The following CCDC125 variants were observed in gnomAD, a reference collection of about 807,000 sequenced individuals.
The protein encoded by CCDC125 is coiled-coil domain-containing protein 125.
CCDC125 carries 43 observed loss-of-function variants against 57.4 expected under a neutral mutation model. That is an observed-to-expected ratio of 0.75 (90% confidence interval 0.59 to 0.97). CCDC125 has a LOEUF of 0.97. Among genes scored for constraint, CCDC125 ranks in the 50% least tolerant of loss-of-function variants. The pLI, the probability that CCDC125 is intolerant of heterozygous loss-of-function variation, is 0.00. For missense variants in CCDC125, 563 were observed against 595.7 expected (o/e 0.95, Z 0.57); for synonymous variants, 187 against 195.2 (o/e 0.96, Z 0.35).
intron 7 of CCDC125, 42 bp from the exon 8 acceptor site, chr5:69,300,169 ACT>A: frequency 7.2e-7 from 1 of 1,382,780 alleles, no homozygotes; most frequent in Non-Finnish European, 1.0e-6. Flanking sequence ...ATGAAGCCTA[ACT>A]CCACCCTCAT....
At chr5:69,285,261 T>C in intron 11 of CCDC125, 76 bp downstream of exon 11, 3 of 1,491,984 alleles carry the variant, frequency 2.0e-6, no homozygotes, top group Non-Finnish European at 2.7e-6. Context: ...TGTTCTGGGC[T>C]GCATGCTCCC....
intron 8 of CCDC125, among the ~76,000 whole-genome samples, chr5:69,295,785 G>GATGTTGAAATTCTGTTA (rs1212513442): frequency 6.6e-6 from 1 of 151,982 alleles, no homozygotes; most frequent in Non-Finnish European, 1.5e-5. Context: ...ACCATCAAAA[G>GATGTTGAAATTCTGTTA]ATGTTGAAAT....
intron 1 of CCDC125, among the ~76,000 whole-genome samples, chr5:69,322,426 G>A (rs1172854623): frequency 6.6e-6 from 1 of 152,070 alleles, no homozygotes; most frequent in Non-Finnish European, 1.5e-5. Context: ...GTATTTCCTT[G>A]GATCCTCAAA....
chr5:69,273,191 C>T, the CCDC125 span: 5 of 568,714 alleles, frequency 8.8e-6, no homozygotes, highest in Non-Finnish European at 1.2e-5. Context: ...GTATCTTTTC[C>T]CCAAACTACA....
intron 3 of CCDC125, 21 bp downstream of exon 3, chr5:69,313,964 T>C: frequency 6.4e-7 from 1 of 1,563,964 alleles, no homozygotes; most frequent in East Asian, 2.2e-5. Flanking sequence ...TGATAATTTT[T>C]ATATTAGCCA....
chr5:69,306,393 A>G (rs539753010), intron 6 of CCDC125, among the ~76,000 whole-genome samples: 3 of 152,290 alleles, frequency 2.0e-5, no homozygotes, highest in African/African-American at 7.2e-5. Context: ...CAGTGGCGCA[A>G]TCATGGCTCA....
At chr5:69,317,084 C>T (rs1332001851) in intron 2 of CCDC125, among the ~76,000 whole-genome samples, 1 of 152,150 alleles carries the variant, frequency 6.6e-6, no homozygotes, top group African/African-American at 2.4e-5. Context: ...TCTTGGCTCA[C>T]TGCAACCTCC....
At chr5:69,332,110 C>T (rs1330398669) in intron 1 of CCDC125, among the ~76,000 whole-genome samples, 2 of 152,242 alleles carry the variant, frequency 1.3e-5, no homozygotes, top group African/African-American at 2.4e-5. Flanking sequence ...ACATGCCTAA[C>T]TCCATGACAA....
At chr5:69,316,063 G>C (rs983051420) in intron 2 of CCDC125, among the ~76,000 whole-genome samples, 2 of 151,982 alleles carry the variant, frequency 1.3e-5, no homozygotes, top group Non-Finnish European at 2.9e-5. Context: ...TTGCTATTCT[G>C]AAATTTCATT....
downstream of CCDC125, chr5:69,276,632 G>C: frequency 6.2e-7 from 1 of 1,614,086 alleles, no homozygotes; most frequent in South Asian, 1.1e-5. Flanking sequence ...AAACCTTAAA[G>C]GAGCAATCAA....
intron 8 of CCDC125, among the ~76,000 whole-genome samples, chr5:69,295,952 C>T (rs1379893388): frequency 6.7e-6 from 1 of 149,872 alleles, no homozygotes; most frequent in Non-Finnish European, 1.5e-5. Flanking sequence ...GGCGCGATCT[C>T]GGCTCACTGC....
At chr5:69,303,361 C>CTTTTTTT (rs1003180857) in intron 7 of CCDC125, among the ~76,000 whole-genome samples, 1 of 100,516 alleles carries the variant, frequency 9.9e-6, no homozygotes, top group African/African-American at 4.1e-5. Flanking sequence ...GAATTGTTCA[C>CTTTTTTT]TTTTTTTTTT....
intron 8 of CCDC125, 126 bp from the exon 9 acceptor site, chr5:69,295,026 GA>G (rs759747491): frequency 1.1e-4 from 71 of 634,024 alleles, no homozygotes; most frequent in Non-Finnish European, 1.7e-4. Flanking sequence ...AAAAAAACTG[GA>G]AAGGAAAAAC....
rs188043001 is a variant in CCDC125 at position 69,321,995 on chromosome 5, C to G, written c.-40-1415G>C. ...GGGATTACAACCATGCGCCACCATG[C>G]CCGGCTAATTTTCTATTTTTTTTTT... On this transcript the variant is annotated intron_variant, in intron 1 of 11. Transcript: ENST00000396496. Among the ~76,000 whole-genome samples, 4 of 151,904 alleles carry G rather than the reference C, an allele frequency of 2.6e-5. No individual in the cohort carries two copies. In the East Asian group the frequency reaches 7.7e-4, roughly 29 times the overall value.
chr5:69,302,872 T>C (rs1756720569), intron 7 of CCDC125, among the ~76,000 whole-genome samples: 1 of 152,172 alleles, frequency 6.6e-6, no homozygotes, highest in African/African-American at 2.4e-5. Context: ...TATCAGGTGC[T>C]CTACCATTTT....
At chr5:69,310,349 C>G (rs1333967168) in intron 4 of CCDC125, 1 of 152,398 alleles carries the variant, frequency 6.6e-6, no homozygotes, top group Non-Finnish European at 1.5e-5. Flanking sequence ...TTCCCCCATA[C>G]TGTTCTGGTA....
intron 4 of CCDC125, chr5:69,309,708 C>T (rs1033255096): frequency 1.2e-4 from 18 of 152,316 alleles, no homozygotes; most frequent in African/African-American, 4.3e-4. Context: ...GGGCCACCAT[C>T]CTCCAGACCC....
chr5:69,279,400 G>C (rs1009066270), downstream of CCDC125, among the ~76,000 whole-genome samples: 12 of 152,044 alleles, frequency 7.9e-5, no homozygotes, highest in Non-Finnish European at 7.4e-5. Context: ...GTTTCACTGT[G>C]TTAGCCAGGA....
chr5:69,284,436 A>G (rs916289663), intron 11 of CCDC125, among the ~76,000 whole-genome samples: 2 of 152,154 alleles, frequency 1.3e-5, no homozygotes, highest in African/African-American at 4.8e-5. Flanking sequence ...AATGCCTTGA[A>G]CACTTTAAAA....
Sources: gnomAD v4.1 joint callset for allele counts (sites outside exome capture counted in the v4.1 genomes callset) on GRCh38, gnomAD v4.1.1 for gene constraint, MANE v1.5 for transcripts, NCBI Gene and HGNC (gene_info 2026-07-23, HGNC 2026-07-21) for gene names.